SYTL5: variants seen among roughly 807,000 people sequenced by gnomAD.
SYTL5 encodes synaptotagmin like 5, also known as synaptotagmin-like protein 5.
A neutral mutation model predicts 55.9 loss-of-function variants in SYTL5; 34 were observed. That is an observed-to-expected ratio of 0.61 (90% CI 0.46 to 0.81). The LOEUF is 0.81. Ranked by LOEUF, SYTL5 falls within the 30% of genes least tolerant of loss-of-function variation. The pLI is 0.00. For missense variants in SYTL5, 637 were observed against 546.7 expected (o/e 1.17, Z -1.65); for synonymous variants, 221 against 188.7 (o/e 1.17, Z -1.40).
At chrX:38,039,800 A>G (rs1396947543) in intron 2 of SYTL5, among the ~76,000 whole-genome samples, 1 of 111,786 alleles carries the variant, frequency 8.9e-6, no homozygotes, top group East Asian at 2.8e-4. Flanking sequence ...CTTTCTTTCT[A>G]TCCAAATCAA....
chrX:38,125,597 T>C, intron 16 of SYTL5, 91 bp downstream of exon 16: 1 of 647,008 alleles, frequency 1.5e-6, no homozygotes, highest in Admixed American at 2.9e-5. Context: ...TGGATGTATA[T>C]ATATAGTTTC....
At chrX:37,943,976 C>G in the SYTL5 span, among the ~76,000 whole-genome samples, 165 of 111,030 alleles carry the variant, frequency 1.5e-3, no homozygotes, top group Middle Eastern at 4.6e-3. Context: ...TCTGAACACA[C>G]TAATCTAGAT....
intron 8 of SYTL5, among the ~76,000 whole-genome samples, chrX:38,095,890 T>G (rs898831378): frequency 9.0e-6 from 1 of 111,269 alleles, no homozygotes; most frequent in African/African-American, 3.3e-5. Context: ...CCTCCTGTGA[T>G]AGAAGGAAAC....
chrX:38,116,627 A>G (rs1019930522), intron 13 of SYTL5, among the ~76,000 whole-genome samples: 1 of 112,888 alleles, frequency 8.9e-6, no homozygotes, highest in African/African-American at 3.2e-5. Flanking sequence ...ATTCAAGCCC[A>G]CATATAATCC....
intron 1 of SYTL5, among the ~76,000 whole-genome samples, chrX:38,031,567 A>G (rs1203127301): frequency 8.9e-6 from 1 of 112,311 alleles, no homozygotes; most frequent in East Asian, 2.8e-4. Context: ...ATGATTCTAT[A>G]AAACATTCAC....
chrX:38,045,701 C>G (rs112568646), intron 2 of SYTL5, among the ~76,000 whole-genome samples: 2,166 of 112,450 alleles, frequency 0.019, 27 homozygotes, highest in Middle Eastern at 0.041. Flanking sequence ...GTTACTTTCT[C>G]TTAAGCAGCT....
At chrX:38,069,728 C>T (rs1936203064) in intron 3 of SYTL5, among the ~76,000 whole-genome samples, 1 of 111,915 alleles carries the variant, frequency 8.9e-6, no homozygotes, top group African/African-American at 3.2e-5. Context: ...AATTAGTAAC[C>T]TAATTCCATC....
the SYTL5 span, among the ~76,000 whole-genome samples, chrX:37,966,436 C>CTTTTTTTTTT: frequency 1.3e-5 from 1 of 78,155 alleles, no homozygotes; most frequent in African/African-American, 4.9e-5. Context: ...TTTTCTTTTT[C>CTTTTTTTTTT]TTTTTTTTTT....
At chrX:37,930,027 C>T in the SYTL5 span, among the ~76,000 whole-genome samples, 1 of 111,403 alleles carries the variant, frequency 9.0e-6, no homozygotes, top group Non-Finnish European at 1.9e-5. Flanking sequence ...AGACCAATCC[C>T]TCTCAAAAAG....
At position 38,073,689 on chromosome X, in the gene SYTL5, A is replaced by C. The variant is rs1936323479; in HGVS notation, c.545A>C (p.Lys182Thr). The change falls in exon 5 of 17, where the codon AAG becomes ACG. Residue 182 changes from lysine (K) to threonine (T), a missense_variant. By Grantham distance (78) the Lys-to-Thr change is moderately conservative (BLOSUM62 -1). Transcript: ENST00000297875. ...AGKKASHDGP[K>T]RKGFLLSKFR... is the part of the protein sequence containing the mutation. ...AAGAAGGCCAGCCATGATGGGCCCA[A>C]GAGAAAGGGGTAAGACATGGTCTTT... 1.7e-6 allele frequency: 2 copies of C among 1,178,900 alleles called. No homozygotes were observed. Among genetic ancestry groups the C allele is most frequent in the Non-Finnish European group, 2.3e-6 (2 of 872,570 alleles).
At chrX:37,921,849 A>G in the SYTL5 span, among the ~76,000 whole-genome samples, 1 of 111,859 alleles carries the variant, frequency 8.9e-6, no homozygotes, top group African/African-American at 3.2e-5. Flanking sequence ...AAAAAATTGG[A>G]TACTCAAGAA....
chrX:38,078,950 G>T (rs1936458627), intron 6 of SYTL5, among the ~76,000 whole-genome samples: 1 of 112,211 alleles, frequency 8.9e-6, no homozygotes. Context: ...ACAATATTTT[G>T]CCACTAAGAA....
At chrX:38,054,528 G>A (rs999061801) in intron 3 of SYTL5, 106 bp downstream of exon 3, 85 of 787,473 alleles carry the variant, frequency 1.1e-4, no homozygotes, top group Non-Finnish European at 1.5e-4. Flanking sequence ...GATAGAGAGT[G>A]CAGGTGAAAT....
chrX:38,077,187 A>G (rs925754079), intron 6 of SYTL5, among the ~76,000 whole-genome samples: 1 of 111,629 alleles, frequency 9.0e-6, no homozygotes, highest in African/African-American at 3.3e-5. Context: ...CCAATTGAGA[A>G]TGTCCTATCC....
chrX:37,917,495 GA>G, the SYTL5 span, among the ~76,000 whole-genome samples: 1 of 111,879 alleles, frequency 8.9e-6, no homozygotes, highest in African/African-American at 3.2e-5. Context: ...CCTAAGCACA[GA>G]AAAGAGTAAA....
chrX:38,058,794 T>G (rs1411825797), intron 3 of SYTL5, among the ~76,000 whole-genome samples: 1 of 111,475 alleles, frequency 9.0e-6, no homozygotes, highest in Non-Finnish European at 1.9e-5. Context: ...ATTTATCTAT[T>G]TTGATGTTCC....
the SYTL5 span, among the ~76,000 whole-genome samples, chrX:37,973,664 C>A: frequency 1.8e-5 from 2 of 109,833 alleles, no homozygotes; most frequent in African/African-American, 6.6e-5. Flanking sequence ...GACAGAGTCT[C>A]CCCCAGTCGC....
At chrX:37,924,843 T>G in the SYTL5 span, among the ~76,000 whole-genome samples, 2 of 111,897 alleles carry the variant, frequency 1.8e-5, no homozygotes, top group Non-Finnish European at 3.8e-5. Flanking sequence ...GGGATATCCA[T>G]CACCTAAACT....
chrX:38,109,921 A>C (rs1264115414), intron 12 of SYTL5, among the ~76,000 whole-genome samples: 1 of 111,551 alleles, frequency 9.0e-6, no homozygotes, highest in Non-Finnish European at 1.9e-5. Context: ...GGGGATTCTC[A>C]TTATGAATAA....
Sources: gnomAD v4.1 joint callset for allele counts (sites outside exome capture counted in the v4.1 genomes callset) on GRCh38, gnomAD v4.1.1 for gene constraint, MANE v1.5 for transcripts, NCBI Gene and HGNC (gene_info 2026-07-23, HGNC 2026-07-21) for gene names.